RASGRF2: variants seen among roughly 807,000 people sequenced by gnomAD.
RASGRF2 encodes Ras protein specific guanine nucleotide releasing factor 2.
In RASGRF2, 76 loss-of-function variants were observed where a neutral mutation model predicts 151.0. The observed-to-expected ratio is 0.50, with a 90% CI of 0.42 to 0.61. The LOEUF (loss-of-function observed/expected upper bound fraction) is 0.61. Among genes scored for constraint, RASGRF2 ranks in the 20% least tolerant of loss-of-function variants. The probability of loss-of-function intolerance (pLI) is 0.00; values close to 1 mark genes in which losing one functional copy is unlikely to be tolerated. For synonymous variants in RASGRF2, 504 were observed against 566.5 expected (o/e 0.89, Z 1.57); for missense variants, 1,148 against 1,564.6 (o/e 0.73, Z 4.49).
At chr5:81,077,115 G>A (rs1201271208) in intron 5 of RASGRF2, among the ~76,000 whole-genome samples, 2 of 152,178 alleles carry the variant, frequency 1.3e-5, no homozygotes, top group African/African-American at 2.4e-5. Context: ...TAAAAAGGTG[G>A]TGGGATCTGG....
At chr5:81,132,045 C>A (rs1417655118) in intron 17 of RASGRF2, among the ~76,000 whole-genome samples, 1 of 152,222 alleles carries the variant, frequency 6.6e-6, no homozygotes, top group African/African-American at 2.4e-5. Context: ...CCTACCAACA[C>A]TTTCTATCCT....
intron 1 of RASGRF2, among the ~76,000 whole-genome samples, chr5:80,963,407 C>T (rs543263209): frequency 3.3e-5 from 5 of 152,174 alleles, no homozygotes; most frequent in East Asian, 1.9e-4. Flanking sequence ...ACCAAGTTTC[C>T]GTGTTATTTC....
At chr5:81,178,928 C>T (rs897814805) in intron 17 of RASGRF2, among the ~76,000 whole-genome samples, 6 of 152,156 alleles carry the variant, frequency 3.9e-5, no homozygotes, top group African/African-American at 1.4e-4. Flanking sequence ...TTAATAGAGA[C>T]GGGGTTTCAC....
At chr5:81,186,982 G>A (rs965614800) in intron 18 of RASGRF2, among the ~76,000 whole-genome samples, 5 of 152,168 alleles carry the variant, frequency 3.3e-5, no homozygotes, top group African/African-American at 9.7e-5. Context: ...GGAGGGTGAG[G>A]ATTATGTGAG....
chr5:81,103,191 GAA>G (rs1043295462), intron 12 of RASGRF2, among the ~76,000 whole-genome samples: 68 of 152,076 alleles, frequency 4.5e-4, no homozygotes, highest in African/African-American at 1.6e-3. Flanking sequence ...GAAATTCACT[GAA>G]AATTCATTAA....
chr5:81,065,498 T>G (rs1413873989), intron 2 of RASGRF2, among the ~76,000 whole-genome samples: 1 of 152,192 alleles, frequency 6.6e-6, no homozygotes, highest in Non-Finnish European at 1.5e-5. Context: ...AAAGCAGACC[T>G]TGCACTGTCA....
intron 17 of RASGRF2, among the ~76,000 whole-genome samples, chr5:81,137,178 G>A (rs248980): frequency 0.68 from 102,654 of 151,990 alleles, 35,134 homozygotes; most frequent in East Asian, 0.82. Context: ...CCTTCAGTAT[G>A]GTATTCAATA....
chr5:81,038,475 C>A (rs926249664), intron 1 of RASGRF2, among the ~76,000 whole-genome samples: 11 of 150,174 alleles, frequency 7.3e-5, no homozygotes, highest in African/African-American at 2.5e-4. Flanking sequence ...ATTTATTAAT[C>A]ATTTCTGTCT....
chr5:81,220,416 C>CCT (rs1755833267), intron 26 of RASGRF2, among the ~76,000 whole-genome samples: 1 of 152,172 alleles, frequency 6.6e-6, no homozygotes, highest in African/African-American at 2.4e-5. Context: ...ACCTCACAGC[C>CCT]AATGTCCCTA....
chr5:81,217,843 C>A (rs1229711737), intron 25 of RASGRF2, among the ~76,000 whole-genome samples: 1 of 151,360 alleles, frequency 6.6e-6, no homozygotes, highest in East Asian at 1.9e-4. Flanking sequence ...CCCGGGTTCA[C>A]GCCATTCTCC....
chr5:81,085,817 A>C lies in RASGRF2; in HGVS notation c.1177A>C (p.Ile393Leu). The C allele has an allele frequency of 6.2e-7, 1 of 1,614,110 alleles. No homozygotes were observed. The highest frequency in any genetic ancestry group is 8.5e-7 in the Non-Finnish European group (1 of 1,180,018). ...TTGCATCTAGATCCCCAGATATATC[A>C]TCACACTCCATGAGCTCCTTGCTCA... Reference protein sequence around the residue: ...YPMFQIPRYIITLHELLAHTP... With the variant: ...YPMFQIPRYILTLHELLAHTP... Residue 393 changes from isoleucine (I) to leucine (L), a missense_variant, in exon 8 of 27, where the codon ATC becomes CTC. Around this residue, in one of 5 missense-constraint regions of RASGRF2, gnomAD observed 176 missense variants for 309.6 expected, o/e 0.57. Coordinates refer to ENST00000265080, the MANE Select transcript of RASGRF2 (RefSeq NM_006909.3).
intron 1 of RASGRF2, among the ~76,000 whole-genome samples, chr5:80,964,260 T>G (rs1210981132): frequency 6.6e-6 from 1 of 152,206 alleles, no homozygotes; most frequent in African/African-American, 2.4e-5. Context: ...GTGGTTTATT[T>G]TCTCCAAAAG....
intron 7 of RASGRF2, among the ~76,000 whole-genome samples, chr5:81,084,541 G>A (rs1752173379): frequency 6.6e-6 from 1 of 152,112 alleles, no homozygotes; most frequent in Non-Finnish European, 1.5e-5. Flanking sequence ...GCCTTGATTT[G>A]ATGACATTCC....
At chr5:81,142,264 C>T (rs757109601) in intron 17 of RASGRF2, among the ~76,000 whole-genome samples, 1 of 152,092 alleles carries the variant, frequency 6.6e-6, no homozygotes, top group Non-Finnish European at 1.5e-5. Context: ...TTCTGAGTGG[C>T]CTCCCAGAGG....
At chr5:80,963,488 T>C (rs907551753) in intron 1 of RASGRF2, among the ~76,000 whole-genome samples, 1 of 152,234 alleles carries the variant, frequency 6.6e-6, no homozygotes, top group Admixed American at 6.5e-5. Flanking sequence ...TATGTAAAAA[T>C]TAAGAATTTG....
chr5:81,001,018 T>G (rs980320348), intron 1 of RASGRF2, among the ~76,000 whole-genome samples: 4 of 152,238 alleles, frequency 2.6e-5, no homozygotes, highest in Non-Finnish European at 5.9e-5. Flanking sequence ...CCTCATTTAC[T>G]GTTTAGATAG....
intron 17 of RASGRF2, among the ~76,000 whole-genome samples, chr5:81,153,673 T>C (rs527640890): frequency 1.1e-4 from 16 of 152,236 alleles, no homozygotes; most frequent in Non-Finnish European, 1.9e-4. Context: ...ATGGAATGAA[T>C]AGAAAGCAAA....
chr5:80,968,967 A>C (rs1242576591), intron 1 of RASGRF2, among the ~76,000 whole-genome samples: 1 of 151,992 alleles, frequency 6.6e-6, no homozygotes, highest in Non-Finnish European at 1.5e-5. Flanking sequence ...TACCAGCATG[A>C]GCCACTCTCC....
At position 80,963,999 on chromosome 5, in the gene RASGRF2, G is replaced by A. The variant is rs1369631054; in HGVS notation, c.288+2973G>A. Among the ~76,000 whole-genome samples the A allele has an allele frequency of 7.8e-5, 11 of 141,706 alleles. No homozygotes were observed. The East Asian group carries it at 1.9e-3, about 24-fold the overall frequency. 93.0% of individuals were successfully genotyped at this position (141,706 alleles called of 152,430 possible). ...TTGGTTGACAACAACAAAAAAATCC[G>A]TTTTTTTTTTTTTTTTACACTTGGA... On this transcript the variant is annotated intron_variant, in intron 1 of 26. Transcript: ENST00000265080.
Sources: allele counts gnomAD v4.1 joint callset (sites outside exome capture counted in the v4.1 genomes callset), GRCh38; gene constraint gnomAD v4.1.1; regional missense constraint gnomAD v4.1.1; transcripts MANE v1.5; gene names NCBI Gene and HGNC (gene_info 2026-07-23, HGNC 2026-07-21).